Variants in MTPN observed in about 807,000 individuals in gnomAD.
MTPN encodes the protein myotrophin, also known as granule cell differentiation protein.
Under a neutral mutation model 13.5 loss-of-function variants are expected in MTPN, and 2 were observed. The observed-to-expected ratio is 0.15, with a 90% CI of 0.06 to 0.47. The LOEUF is 0.47. MTPN is among the 20% of genes least tolerant of loss of function. The probability of loss-of-function intolerance (pLI) is 0.97; values close to 1 mark genes in which losing one functional copy is unlikely to be tolerated. For missense variants in MTPN, 79 were observed against 137.9 expected, an observed-to-expected ratio of 0.57 and a Z score of 2.14; for synonymous variants, 46 against 51.7, an observed-to-expected ratio of 0.89 and a Z score of 0.48.
At chr7:135,952,146 G>C (rs1275876108) in intron 1 of MTPN, among the ~76,000 whole-genome samples, 2 of 152,212 alleles carry the variant, frequency 1.3e-5, no homozygotes, top group African/African-American at 4.8e-5. Flanking sequence ...TAGGAAGACA[G>C]TGGTCAGCAA....
At chr7:135,945,676 G>A (rs1193248447) in intron 3 of MTPN, among the ~76,000 whole-genome samples, 1 of 152,078 alleles carries the variant, frequency 6.6e-6, no homozygotes, top group African/African-American at 2.4e-5. Flanking sequence ...AATACCTCCT[G>A]AAGGACATGC....
intron 3 of MTPN, among the ~76,000 whole-genome samples, chr7:135,938,620 A>T (rs1799153181): frequency 6.6e-6 from 1 of 152,254 alleles, no homozygotes; most frequent in African/African-American, 2.4e-5. Context: ...CCATAGAAGC[A>T]TGCTGGTGTC....
intron 1 of MTPN, among the ~76,000 whole-genome samples, chr7:135,974,865 T>C (rs1266193587): frequency 6.6e-6 from 1 of 152,216 alleles, no homozygotes; most frequent in Admixed American, 6.5e-5. Flanking sequence ...AAAGTATAAA[T>C]GGGCACCGTA....
intron 1 of MTPN, among the ~76,000 whole-genome samples, chr7:135,959,190 T>A (rs576743256): frequency 1.3e-5 from 2 of 152,152 alleles, no homozygotes; most frequent in South Asian, 4.1e-4. Flanking sequence ...ATATATCCTA[T>A]CAAGTGGATG....
intron 1 of MTPN, among the ~76,000 whole-genome samples, chr7:135,952,182 G>A (rs1799373013): frequency 6.6e-6 from 1 of 152,156 alleles, no homozygotes; most frequent in Admixed American, 6.5e-5. Context: ...CTGACTGTAT[G>A]AAGCTTACCG....
At chr7:135,972,231 G>GCGCGCGCGCGCACACACACACACACACA (rs779296906) in intron 1 of MTPN, among the ~76,000 whole-genome samples, 1 of 124,700 alleles carries the variant, frequency 8.0e-6, no homozygotes, top group African/African-American at 3.0e-5. Context: ...GCACGCGCGC[G>GCGCGCGCGCGCACACACACACACACACA]CACACACACA....
intron 1 of MTPN, among the ~76,000 whole-genome samples, chr7:135,965,691 A>T (rs772317138): frequency 4.6e-5 from 7 of 152,160 alleles, no homozygotes; most frequent in Non-Finnish European, 4.4e-5. Flanking sequence ...TTGCTGTTAT[A>T]CTAATACAAC....
At chr7:135,957,482 C>A (rs995120222) in intron 1 of MTPN, among the ~76,000 whole-genome samples, 1 of 151,486 alleles carries the variant, frequency 6.6e-6, no homozygotes, top group African/African-American at 2.4e-5. Context: ...AACCTGAATT[C>A]TTCTTAGTGT....
chr7:135,977,039 T>G lies in MTPN; in HGVS notation c.62A>C (p.Tyr21Ser), dbSNP rs770993454. Residue 21 changes from tyrosine (Y) to serine (S), a missense_variant, in exon 1 of 4, where the codon TAT (tyrosine) becomes TCT (serine). Tyr to Ser is a moderately radical substitution (Grantham distance 144). Transcript: ENST00000393085. ...KNGDLDEVKD[Y>S]VAKGEDVNRT... ...CTCATCCCCGCTTACCTTGGCCACATAGTCTTTCACCTCATCCAAGTCTCC... is the reference window on the plus strand; with the variant it reads ...CTCATCCCCGCTTACCTTGGCCACAGAGTCTTTCACCTCATCCAAGTCTCC... 1 of 1,585,100 alleles carries G rather than the reference T, an allele frequency of 6.3e-7. No individual in the cohort carries two copies. The highest frequency in any genetic ancestry group is 8.6e-7 in the Non-Finnish European group (1 of 1,161,828).
rs147255386 is a variant in MTPN at position 135,948,119 on chromosome 7, C to T, written c.270+2480G>A. 2.1e-3 allele frequency among the ~76,000 whole-genome samples: 321 copies of T among 152,186 alleles called. 1 individual carries two copies. Among genetic ancestry groups the T allele is most frequent in the African/African-American group, 7.4e-3 (307 of 41,534 alleles). ...GAACAAATTAGACTTAATATAAACA[C>T]TGATTATAACTTTTAAAAGATGCAC... On this transcript the variant is annotated intron_variant, in intron 3 of 3. Transcript: ENST00000393085.
chr7:135,933,924 T>C (rs1799070277), intron 3 of MTPN, among the ~76,000 whole-genome samples: 1 of 152,132 alleles, frequency 6.6e-6, no homozygotes, highest in South Asian at 2.1e-4. Context: ...TGAGACCTGG[T>C]TGCTTAAAAG....
At chr7:135,933,339 A>C (rs1799056962) in intron 3 of MTPN, among the ~76,000 whole-genome samples, 1 of 152,086 alleles carries the variant, frequency 6.6e-6, no homozygotes, top group South Asian at 2.1e-4. Flanking sequence ...AGACCTTCTC[A>C]ATTTCTTATA....
chr7:135,942,231 C>T (rs1168992395), intron 3 of MTPN, among the ~76,000 whole-genome samples: 1 of 151,994 alleles, frequency 6.6e-6, no homozygotes, highest in Non-Finnish European at 1.5e-5. Flanking sequence ...AAGTTTCAGA[C>T]AAAAAAGTAT....
At chr7:135,972,213 GCACACGCGCA>G (rs1395539898) in intron 1 of MTPN, among the ~76,000 whole-genome samples, 7 of 86,498 alleles carry the variant, frequency 8.1e-5, no homozygotes, top group African/African-American at 2.2e-4. Context: ...ATACACACGC[GCACACGCGCA>G]CGCGCGCGCA....
At chr7:135,955,920 A>G (rs1297383387) in intron 1 of MTPN, among the ~76,000 whole-genome samples, 1 of 152,188 alleles carries the variant, frequency 6.6e-6, no homozygotes, top group Non-Finnish European at 1.5e-5. Flanking sequence ...TTGGCCTACA[A>G]AAAACCTACA....
At chr7:135,954,126 A>G (rs954968565) in intron 1 of MTPN, among the ~76,000 whole-genome samples, 5 of 152,218 alleles carry the variant, frequency 3.3e-5, no homozygotes, top group Non-Finnish European at 5.9e-5. Context: ...GGGAATAGAA[A>G]TGTCTACACT....
At chr7:135,956,033 T>C (rs1799439369) in intron 1 of MTPN, among the ~76,000 whole-genome samples, 1 of 152,126 alleles carries the variant, frequency 6.6e-6, no homozygotes, top group Non-Finnish European at 1.5e-5. Context: ...GCACTAGCGG[T>C]TCTAATCAGT....
intron 1 of MTPN, 85 bp downstream of exon 1, chr7:135,976,944 C>T (rs1255734281): frequency 1.2e-6 from 1 of 866,836 alleles, no homozygotes; most frequent in Non-Finnish European, 1.9e-6. Flanking sequence ...CACCCCCATC[C>T]CCGCAGTCCA....
chr7:135,967,689 A>G (rs1411597697), intron 1 of MTPN, among the ~76,000 whole-genome samples: 1 of 152,188 alleles, frequency 6.6e-6, no homozygotes, highest in Non-Finnish European at 1.5e-5. Context: ...AGCACTCACC[A>G]TATGCCAGGC....
Sources: allele counts gnomAD v4.1 joint callset (sites outside exome capture counted in the v4.1 genomes callset), GRCh38; gene constraint gnomAD v4.1.1; transcripts MANE v1.5; gene names NCBI Gene and HGNC (gene_info 2026-07-23, HGNC 2026-07-21).